The following SGCZ variants were observed in gnomAD, a reference collection of about 807,000 sequenced individuals.
SGCZ encodes the protein sarcoglycan zeta.
A neutral mutation model predicts 41.3 loss-of-function variants in SGCZ; 40 were observed. That is an observed-to-expected ratio of 0.97 (90% confidence interval 0.75 to 1.26). The LOEUF is 1.26. SGCZ is among the 50% of genes most tolerant of loss of function. The pLI is 0.00. For synonymous variants in SGCZ, 206 were observed against 137.5 expected (o/e 1.50, Z -3.49); for missense variants, 552 against 369.8 (o/e 1.49, Z -4.04).
At chr8:14,389,806 G>C (rs1218602790) in intron 2 of SGCZ, among the ~76,000 whole-genome samples, 1 of 151,986 alleles carries the variant, frequency 6.6e-6, no homozygotes, top group African/African-American at 2.4e-5. Flanking sequence ...ACTAATATTT[G>C]AGAATGTGTT....
chr8:14,981,523 T>A (rs1247617832), intron 1 of SGCZ, among the ~76,000 whole-genome samples: 4 of 152,186 alleles, frequency 2.6e-5, no homozygotes, highest in African/African-American at 9.7e-5. Flanking sequence ...ATCATCAGCA[T>A]GAAATTTCCT....
chr8:15,104,815 C>A (rs560119006), intron 1 of SGCZ, among the ~76,000 whole-genome samples: 1 of 152,104 alleles, frequency 6.6e-6, no homozygotes, highest in Admixed American at 6.5e-5. Flanking sequence ...AACTGTTACC[C>A]ATTTACATGG....
chr8:14,139,224 G>T (rs1314955532), intron 5 of SGCZ, among the ~76,000 whole-genome samples: 1 of 152,140 alleles, frequency 6.6e-6, no homozygotes, highest in South Asian at 2.1e-4. Context: ...AGCACTAAAA[G>T]CCTACAAGAG....
At chr8:15,207,909 C>T (rs964364611) in intron 1 of SGCZ, among the ~76,000 whole-genome samples, 2 of 152,146 alleles carry the variant, frequency 1.3e-5, no homozygotes, top group African/African-American at 4.8e-5. Flanking sequence ...AATTTTAATA[C>T]AAGTTTTTCA....
chr8:14,696,234 C>T (rs1388851415), intron 1 of SGCZ, among the ~76,000 whole-genome samples: 1 of 152,086 alleles, frequency 6.6e-6, no homozygotes, highest in Non-Finnish European at 1.5e-5. Flanking sequence ...CTCCTCTAAA[C>T]TGTGTGATTT....
At chr8:14,537,208 T>G (rs942910770) in intron 2 of SGCZ, among the ~76,000 whole-genome samples, 1 of 152,020 alleles carries the variant, frequency 6.6e-6, no homozygotes, top group South Asian at 2.1e-4. Context: ...GTCTACTGAC[T>G]CTCATTATAA....
At chr8:14,853,266 G>A (rs1803406476) in intron 1 of SGCZ, among the ~76,000 whole-genome samples, 1 of 152,090 alleles carries the variant, frequency 6.6e-6, no homozygotes, top group Non-Finnish European at 1.5e-5. Context: ...GCTCATGTGA[G>A]GAAACAACTA....
intron 6 of SGCZ, among the ~76,000 whole-genome samples, chr8:14,104,479 A>G (rs1802140572): frequency 6.6e-6 from 1 of 152,206 alleles, no homozygotes; most frequent in Non-Finnish European, 1.5e-5. Flanking sequence ...CATTCAGAAA[A>G]AAGAAGAATT....
At chr8:14,190,732 A>G (rs1420332796) in intron 4 of SGCZ, among the ~76,000 whole-genome samples, 1 of 151,854 alleles carries the variant, frequency 6.6e-6, no homozygotes, top group African/African-American at 2.4e-5. Flanking sequence ...CCTCCCAAGT[A>G]GCTGGGACTA....
intron 4 of SGCZ, among the ~76,000 whole-genome samples, chr8:14,172,817 C>T (rs1804427736): frequency 6.6e-6 from 1 of 152,082 alleles, no homozygotes; most frequent in African/African-American, 2.4e-5. Flanking sequence ...GCTGAGCTTA[C>T]AAGGCTCTCC....
At chr8:14,551,603 A>G (rs1803865188) in intron 2 of SGCZ, among the ~76,000 whole-genome samples, 1 of 72,044 alleles carries the variant, frequency 1.4e-5, no homozygotes, top group Non-Finnish European at 2.4e-5. Flanking sequence ...TATATTATAT[A>G]TATTATATAT....
rs567277788 is a variant in SGCZ, at chr8:14,295,949, T to C, written c.336+28154A>G. Among the ~76,000 whole-genome samples the C allele has an allele frequency of 2.6e-5, 4 of 152,254 alleles. No individual in the cohort carries two copies. The South Asian group carries it at 8.3e-4, about 32-fold the overall frequency. On this transcript the variant is annotated intron_variant, in intron 3 of 7. Transcript: ENST00000382080. ...TAGCACATGCACAGGGCCAGTGCTC[T>C]GCAAAGGCTGTCAGAGAACAGCTAC...
chr8:14,960,935 AC>A (rs2130850757), intron 1 of SGCZ, among the ~76,000 whole-genome samples: 1 of 40,398 alleles, frequency 2.5e-5, no homozygotes, highest in East Asian at 8.6e-4. Context: ...GAAATGGCAC[AC>A]ACACACACAC....
At chr8:15,175,356 A>G (rs1351204607) in intron 1 of SGCZ, among the ~76,000 whole-genome samples, 3 of 152,172 alleles carry the variant, frequency 2.0e-5, no homozygotes, top group African/African-American at 7.2e-5. Context: ...CAGCCATAAA[A>G]AAAAAAGAAT....
intron 2 of SGCZ, among the ~76,000 whole-genome samples, chr8:14,352,716 G>A (rs1803146186): frequency 6.6e-6 from 1 of 151,966 alleles, no homozygotes; most frequent in Non-Finnish European, 1.5e-5. Context: ...GGCAAATTCT[G>A]AAAAATATAC....
At chr8:14,680,544 A>G (rs1454434909) in intron 1 of SGCZ, among the ~76,000 whole-genome samples, 1 of 150,902 alleles carries the variant, frequency 6.6e-6, no homozygotes, top group Non-Finnish European at 1.5e-5. Context: ...AATCACTCAT[A>G]TAAACGGAGC....
intron 1 of SGCZ, among the ~76,000 whole-genome samples, chr8:14,967,964 G>A (rs935762320): frequency 6.6e-6 from 1 of 152,084 alleles, no homozygotes; most frequent in Non-Finnish European, 1.5e-5. Context: ...AAAGTGTTCA[G>A]TAAACATTTG....
chr8:14,156,854 C>A (rs1182758622), intron 5 of SGCZ, among the ~76,000 whole-genome samples: 2 of 152,160 alleles, frequency 1.3e-5, no homozygotes, highest in Admixed American at 1.3e-4. Flanking sequence ...ACAGATGAAG[C>A]TGTCATCCCC....
rs145314752 is a variant in SGCZ, at chr8:14,686,866, C to G, written c.40-131940G>C. On this transcript the variant is annotated intron_variant, in intron 1 of 7. Transcript: ENST00000382080. Reference sequence around the variant, plus strand: ...AGATGATACTGCCACATGGCTTCATCAGCAGCACAAGGGATAAACGAACAA... The same window carrying G: ...AGATGATACTGCCACATGGCTTCATGAGCAGCACAAGGGATAAACGAACAA... 2.7e-3 allele frequency among the ~76,000 whole-genome samples: 417 copies of G among 152,170 alleles called. 4 individuals carry two copies. The highest frequency in any genetic ancestry group is 9.7e-3 in the African/African-American group (402 of 41,560).
Sources: gnomAD v4.1 joint callset for allele counts (sites outside exome capture counted in the v4.1 genomes callset) on GRCh38, gnomAD v4.1.1 for gene constraint, MANE v1.5 for transcripts, NCBI Gene and HGNC (gene_info 2026-07-23, HGNC 2026-07-21) for gene names.